The following CEMIP variants were observed in gnomAD, a reference collection of about 807,000 sequenced individuals.
The protein encoded by CEMIP is cell migration inducing hyaluronidase 1, also known as cell migration-inducing and hyaluronan-binding protein.
A neutral mutation model predicts 156.9 loss-of-function variants in CEMIP; 105 were observed. The observed-to-expected ratio is 0.67, with a 90% CI of 0.57 to 0.79. CEMIP has a LOEUF of 0.79. Among genes scored for constraint, CEMIP ranks in the 30% least tolerant of loss-of-function variants. The probability of loss-of-function intolerance (pLI) is 0.00; values close to 1 mark genes in which losing one functional copy is unlikely to be tolerated. For synonymous variants in CEMIP, 676 were observed against 668.4 expected, an observed-to-expected ratio of 1.01 and a Z score of -0.17; for missense variants, 1,457 against 1,769.4, an observed-to-expected ratio of 0.82 and a Z score of 3.17.
At chr15:80,844,328 TG>T (rs1897502945) in intron 1 of CEMIP, among the ~76,000 whole-genome samples, 1 of 152,110 alleles carries the variant, frequency 6.6e-6, no homozygotes, top group South Asian at 2.1e-4. Flanking sequence ...TAATGTGTCC[TG>T]GGGAAAATAG....
intron 1 of CEMIP, among the ~76,000 whole-genome samples, chr15:80,800,922 G>A (rs750815258): frequency 1.1e-4 from 16 of 152,314 alleles, no homozygotes; most frequent in East Asian, 3.9e-4. Flanking sequence ...AGGGCCTACC[G>A]TAGCTGGGCT....
At chr15:80,855,531 G>A (rs1166548979) in intron 1 of CEMIP, among the ~76,000 whole-genome samples, 1 of 150,408 alleles carries the variant, frequency 6.6e-6, no homozygotes, top group Non-Finnish European at 1.5e-5. Flanking sequence ...TCTTTTTTGA[G>A]ATGGAATCTC....
chr15:80,900,638 G>GTCTGTGTGTGTGTCTGTGTGTGTGTC (rs1434448181), intron 12 of CEMIP, among the ~76,000 whole-genome samples: 4 of 101,924 alleles, frequency 3.9e-5, no homozygotes, highest in Non-Finnish European at 8.3e-5. Flanking sequence ...GTGTGTGTGT[G>GTCTGTGTGTGTGTCTGTGTGTGTGTC]TGTGTGTGTG....
At chr15:80,803,056 T>C (rs1299052701) in intron 1 of CEMIP, among the ~76,000 whole-genome samples, 1 of 152,134 alleles carries the variant, frequency 6.6e-6, no homozygotes, top group African/African-American at 2.4e-5. Context: ...TCTGGAGGGC[T>C]CCTAAACACC....
At chr15:80,920,814 C>A (rs1226518103) in intron 15 of CEMIP, among the ~76,000 whole-genome samples, 2 of 152,202 alleles carry the variant, frequency 1.3e-5, no homozygotes, top group African/African-American at 4.8e-5. Flanking sequence ...ATTTTCAGGA[C>A]CCATGCTCTT....
chr15:80,888,722 C>A lies in CEMIP; in HGVS notation c.890C>A (p.Ala297Asp). 6.2e-7 allele frequency: 1 copy of A among 1,614,110 alleles called. No homozygotes were observed. Among genetic ancestry groups the A allele is most frequent in the East Asian group, 2.2e-5 (1 of 44,886 alleles). ...EYHGHRGSAA[A>D]RVFKLFQTEH... ...ACAGGACATCGAGGCTCTGCTGCTG[C>A]CCGGGTATTCAAATTGTTCCAGACA... is the stretch of plus-strand genomic sequence containing the variant. The change falls in exon 9 of 30, where the codon GCC (alanine) becomes GAC (aspartate). Residue 297 changes from alanine (A) to aspartate (D), a missense_variant. Physicochemically the swap from Ala to Asp is moderately radical, Grantham distance 126 (BLOSUM62 -2). Transcript: ENST00000394685.
chr15:80,926,768 A>T lies in CEMIP; in HGVS notation c.2420+1013A>T, dbSNP rs1208654109. On this transcript the variant is annotated intron_variant, in intron 19 of 29. Transcript: ENST00000394685. ...AAAATAAACAATAAATTTTTTTTTAAAAAAGTCAAAAAAGCAAAACTTAAA... is the reference window on the plus strand; with the variant it reads ...AAAATAAACAATAAATTTTTTTTTATAAAAGTCAAAAAAGCAAAACTTAAA... 3.0e-5 allele frequency among the ~76,000 whole-genome samples: 4 copies of T among 133,594 alleles called. 1 individual carries two copies. Among genetic ancestry groups the T allele is most frequent in the Admixed American group, 6.9e-5 (1 of 14,424 alleles). 87.6% of individuals were successfully genotyped at this position (133,594 alleles called of 152,430 possible). A position where few individuals can be genotyped will look rare whatever the true frequency, so the allele number is the denominator to read the frequency against.
chr15:80,817,679 G>C (rs1434154184), intron 1 of CEMIP, among the ~76,000 whole-genome samples: 6 of 151,376 alleles, frequency 4.0e-5, no homozygotes, highest in African/African-American at 1.2e-4. Context: ...GGAACATTTG[G>C]GGGTATGTGG....
rs1348692291 is a variant in CEMIP at position 80,880,920 on chromosome 15, C to T, written c.401C>T (p.Pro134Leu). Reference sequence around the variant, plus strand: ...TGCAGGGCTGATGAAGGTATTCAGCCGGATCCTTACTATGGTCTGAAGTAC... The same window carrying T: ...TGCAGGGCTGATGAAGGTATTCAGCTGGATCCTTACTATGGTCTGAAGTAC... ...LYGRADEGIQ[P>L]DPYYGLKYIG... is the part of the protein sequence containing the mutation. The change falls in exon 6 of 30, where the codon CCG becomes CTG. Residue 134 changes from proline (P) to leucine (L), a missense_variant. This residue lies in a region of CEMIP where 309 missense variants were observed against 340.8 expected (regional missense o/e 0.91). Coordinates refer to ENST00000394685, the MANE Select transcript of CEMIP (RefSeq NM_001293298.2). 2.5e-6 allele frequency: 4 copies of T among 1,613,904 alleles called. No homozygotes were observed. The highest frequency in any genetic ancestry group is 1.7e-5 in the Admixed American group (1 of 59,992).
chr15:80,780,478 C>T (rs1460431892), intron 1 of CEMIP, among the ~76,000 whole-genome samples: 3 of 152,150 alleles, frequency 2.0e-5, no homozygotes, highest in Non-Finnish European at 4.4e-5. Context: ...GGGTCCTCAG[C>T]CGCAGACACT....
At chr15:80,821,477 G>C (rs1248085284) in intron 1 of CEMIP, among the ~76,000 whole-genome samples, 2 of 152,210 alleles carry the variant, frequency 1.3e-5, no homozygotes, top group African/African-American at 4.8e-5. Flanking sequence ...GAAGCAGGTA[G>C]ATAAAAGCAG....
chr15:80,847,182 A>G (rs1326416046), intron 1 of CEMIP, among the ~76,000 whole-genome samples: 2 of 152,104 alleles, frequency 1.3e-5, no homozygotes, highest in Non-Finnish European at 2.9e-5. Flanking sequence ...CCAAGCAGTT[A>G]GGATTACAGG....
At position 80,873,887 on chromosome 15, in the gene CEMIP, C is replaced by T; in HGVS notation, c.8C>T (p.Ala3Val). 6.3e-7 allele frequency: 1 copy of T among 1,577,876 alleles called. No homozygotes were observed. Among genetic ancestry groups the T allele is most frequent in the Admixed American group, 1.8e-5 (1 of 54,928 alleles). ...AGGGAGCACACTGCCAGGATGGGAG[C>T]TGCTGGGAGGCAGGACTTCCTCTTC... Reference protein sequence around the residue: MGAAGRQDFLFKA... With the variant: MGVAGRQDFLFKA... The change falls in exon 3 of 30, where the codon GCT (alanine) becomes GTT (valine). Residue 3 changes from alanine (A) to valine (V), a missense_variant. Around this residue, in one of 5 missense-constraint regions of CEMIP, gnomAD observed 309 missense variants for 340.8 expected, o/e 0.91. Coordinates refer to ENST00000394685, the MANE Select transcript of CEMIP (RefSeq NM_001293298.2).
chr15:80,824,767 C>G (rs189854767), intron 1 of CEMIP, among the ~76,000 whole-genome samples: 3 of 152,182 alleles, frequency 2.0e-5, no homozygotes, highest in Admixed American at 2.0e-4. Flanking sequence ...GGCTCATTGT[C>G]TCTTGTCTTT....
At position 80,848,900 on chromosome 15, in the gene CEMIP, G is replaced by GCACA. The variant is rs3221932; in HGVS notation, c.-175-24614_-175-24611dup. 5.9e-3 allele frequency among the ~76,000 whole-genome samples: 798 copies of GCACA among 134,554 alleles called. 21 individuals carry two copies. The highest frequency in any genetic ancestry group is 0.016 in the Middle Eastern group (4 of 258). The allele number at this position is 134,554 out of a possible 152,430, so 88.3% of individuals were successfully genotyped here. On this transcript the variant is annotated intron_variant, in intron 1 of 29. Transcript: ENST00000394685. ...TGTTCTCTGATGAGCGTGTGCGCGT[G>GCACA]CACACACACACACACACACACACAC...
At chr15:80,942,864 G>A in intron 27 of CEMIP, 81 bp from the exon 28 acceptor site, 4 of 1,543,052 alleles carry the variant, frequency 2.6e-6, no homozygotes, top group Admixed American at 3.3e-5. Context: ...TGCCTTCAGG[G>A]TCTGCTTGGG....
intron 12 of CEMIP, among the ~76,000 whole-genome samples, chr15:80,900,646 G>GTC (rs1899475341): frequency 4.3e-5 from 5 of 117,330 alleles, no homozygotes; most frequent in East Asian, 2.2e-4. Flanking sequence ...GTGTGTGTGT[G>GTC]TGTCTGTGTG....
chr15:80,857,017 G>T (rs1897868904), intron 1 of CEMIP, among the ~76,000 whole-genome samples: 1 of 152,186 alleles, frequency 6.6e-6, no homozygotes, highest in South Asian at 2.1e-4. Flanking sequence ...AAACCAGAGT[G>T]GTTTCTACAA....
At chr15:80,889,669 G>A (rs1374350072) in intron 10 of CEMIP, 77 bp downstream of exon 10, 1 of 1,575,738 alleles carries the variant, frequency 6.3e-7, no homozygotes, top group Non-Finnish European at 8.7e-7. Context: ...AGACATTCTT[G>A]TCACTTGGGT....
Sources: allele counts gnomAD v4.1 joint callset (sites outside exome capture counted in the v4.1 genomes callset), GRCh38; gene constraint gnomAD v4.1.1; regional missense constraint gnomAD v4.1.1; transcripts MANE v1.5; gene names NCBI Gene and HGNC (gene_info 2026-07-23, HGNC 2026-07-21).